Variants in ANKS1B observed in about 807,000 individuals in gnomAD.
The protein encoded by ANKS1B is ankyrin repeat and sterile alpha motif domain containing 1B.
Under a neutral mutation model 148.3 loss-of-function variants are expected in ANKS1B, and 36 were observed. The observed-to-expected ratio is 0.24, with a 90% CI of 0.19 to 0.32. The LOEUF (loss-of-function observed/expected upper bound fraction) is 0.32. ANKS1B is among the 10% of genes least tolerant of loss of function. The pLI is 1.00. For missense variants in ANKS1B, 1,157 were observed against 1,542.6 expected, an observed-to-expected ratio of 0.75 and a Z score of 4.19; for synonymous variants, 542 against 560.8, an observed-to-expected ratio of 0.97 and a Z score of 0.47.
intron 4 of ANKS1B, among the ~76,000 whole-genome samples, chr12:99,800,064 C>G (rs1364750856): frequency 6.6e-6 from 1 of 151,964 alleles, no homozygotes; most frequent in African/African-American, 2.4e-5. Context: ...TCTGTGTGCC[C>G]CAAAACTCAC....
At chr12:99,459,563 T>C (rs2095911568) in intron 10 of ANKS1B, among the ~76,000 whole-genome samples, 1 of 152,064 alleles carries the variant, frequency 6.6e-6, no homozygotes, top group South Asian at 2.1e-4. Context: ...CAGCAAAGTT[T>C]CAGGATACAA....
intron 26 of ANKS1B, among the ~76,000 whole-genome samples, chr12:98,747,533 G>C (rs1270868803): frequency 6.6e-6 from 1 of 152,208 alleles, no homozygotes; most frequent in Non-Finnish European, 1.5e-5. Flanking sequence ...AGGCACTATG[G>C]AGAATAGCAT....
intron 9 of ANKS1B, among the ~76,000 whole-genome samples, chr12:99,577,454 AAAAT>A (rs1442099119): frequency 6.6e-6 from 1 of 151,702 alleles, no homozygotes; most frequent in Non-Finnish European, 1.5e-5. Context: ...CTTTGTTGAA[AAAAT>A]AAATAAGATC....
intron 8 of ANKS1B, among the ~76,000 whole-genome samples, chr12:99,677,169 C>A (rs2098579722): frequency 1.3e-5 from 2 of 152,150 alleles, no homozygotes; most frequent in Admixed American, 1.3e-4. Flanking sequence ...CACTTTTGCG[C>A]TCCTACATCT....
intron 17 of ANKS1B, among the ~76,000 whole-genome samples, chr12:99,020,337 A>G (rs1305381082): frequency 6.6e-6 from 1 of 152,074 alleles, no homozygotes; most frequent in Admixed American, 6.6e-5. Flanking sequence ...GAATCATATA[A>G]TATTTGTCCT....
chr12:99,681,563 G>A (rs1359987962), intron 8 of ANKS1B, among the ~76,000 whole-genome samples: 1 of 152,138 alleles, frequency 6.6e-6, no homozygotes, highest in Non-Finnish European at 1.5e-5. Context: ...TAGCTCCACT[G>A]GGTGGCTAGA....
intron 9 of ANKS1B, among the ~76,000 whole-genome samples, chr12:99,590,155 T>C (rs1597655538): frequency 1.3e-5 from 2 of 151,930 alleles, no homozygotes; most frequent in Admixed American, 6.6e-5. Flanking sequence ...TATAAACATA[T>C]ATAGATATGT....
chr12:99,168,344 C>A (rs1050078419), intron 14 of ANKS1B, among the ~76,000 whole-genome samples: 3 of 151,954 alleles, frequency 2.0e-5, no homozygotes, highest in Admixed American at 2.0e-4. Context: ...CAGTGAAACC[C>A]CGTCTCTATT....
chr12:99,926,048 T>C (rs1287279676), intron 1 of ANKS1B, among the ~76,000 whole-genome samples: 6 of 152,236 alleles, frequency 3.9e-5, no homozygotes, highest in Non-Finnish European at 8.8e-5. Flanking sequence ...TATATCCCAT[T>C]TCACATTCCA....
chr12:99,186,548 C>A (rs906858592), intron 14 of ANKS1B, among the ~76,000 whole-genome samples: 16 of 152,188 alleles, frequency 1.1e-4, no homozygotes, highest in Non-Finnish European at 1.5e-5. Flanking sequence ...AAGGATCAGG[C>A]AGCAGTCTTT....
chr12:98,952,676 C>T (rs756135626), intron 17 of ANKS1B, among the ~76,000 whole-genome samples: 4 of 152,158 alleles, frequency 2.6e-5, no homozygotes, highest in African/African-American at 7.2e-5. Context: ...GCCTGCTCTC[C>T]ACCTCACATC....
At chr12:98,766,898 T>C (rs7135140) in intron 25 of ANKS1B, among the ~76,000 whole-genome samples, 83,855 of 151,690 alleles carry the variant, frequency 0.55, 23,582 homozygotes, top group East Asian at 0.74. Context: ...CAGTGTCTCC[T>C]AGGCCCAAGA....
chr12:98,864,128 G>A (rs1192567617), intron 17 of ANKS1B, among the ~76,000 whole-genome samples: 3 of 138,670 alleles, frequency 2.2e-5, no homozygotes, highest in African/African-American at 5.6e-5. Flanking sequence ...TGTCTGTGAT[G>A]CTTTTTTTTT....
intron 12 of ANKS1B, among the ~76,000 whole-genome samples, chr12:99,333,638 G>A (rs1319930840): frequency 1.3e-5 from 2 of 151,954 alleles, no homozygotes; most frequent in South Asian, 2.1e-4. Flanking sequence ...TAAAAATTTT[G>A]TTACAGAATT....
intron 17 of ANKS1B, among the ~76,000 whole-genome samples, chr12:99,041,368 A>T (rs920552516): frequency 1.3e-5 from 2 of 152,174 alleles, no homozygotes; most frequent in African/African-American, 2.4e-5. Context: ...ATACTTTGCA[A>T]TTTAATTTTC....
intron 11 of ANKS1B, among the ~76,000 whole-genome samples, chr12:99,418,823 A>T (rs763198141): frequency 5.3e-5 from 8 of 152,048 alleles, no homozygotes; most frequent in African/African-American, 9.7e-5. Flanking sequence ...AATTCCCCTC[A>T]ATTTCTATTC....
intron 9 of ANKS1B, among the ~76,000 whole-genome samples, chr12:99,517,289 CTT>C (rs1361836214): frequency 6.6e-6 from 1 of 151,936 alleles, no homozygotes; most frequent in Non-Finnish European, 1.5e-5. Flanking sequence ...TGCAATAACT[CTT>C]TTGATTTCTT....
intron 16 of ANKS1B, among the ~76,000 whole-genome samples, chr12:99,064,041 C>A (rs1029255171): frequency 1.3e-5 from 2 of 152,140 alleles, no homozygotes; most frequent in African/African-American, 4.8e-5. Flanking sequence ...AGTGGTAACC[C>A]CTCTATTATT....
At chr12:98,792,384 T>C (rs1179762974) in intron 22 of ANKS1B, among the ~76,000 whole-genome samples, 3 of 152,306 alleles carry the variant, frequency 2.0e-5, no homozygotes, top group African/African-American at 4.8e-5. Flanking sequence ...TATGTATACA[T>C]TGTGTAATGA....
Sources: gnomAD v4.1 joint callset for allele counts (sites outside exome capture counted in the v4.1 genomes callset) on GRCh38, gnomAD v4.1.1 for gene constraint, MANE v1.5 for transcripts, NCBI Gene and HGNC (gene_info 2026-07-23, HGNC 2026-07-21) for gene names.